The following GLT6D1 variants were observed in gnomAD, a reference collection of about 807,000 sequenced individuals.
GLT6D1 encodes the protein putative glycosyltransferase 6 domain-containing protein 1.
A neutral mutation model predicts 12.3 loss-of-function variants in GLT6D1; 9 were observed. That is an observed-to-expected ratio of 0.73 (90% confidence interval 0.44 to 1.27). The LOEUF is 1.27. Ranked by LOEUF, GLT6D1 falls within the 50% of genes most tolerant of loss-of-function variation. GLT6D1 has a pLI of 0.00. For synonymous variants in GLT6D1, 128 were observed against 132.3 expected (o/e 0.97, Z 0.23); for missense variants, 335 against 346.2 (o/e 0.97, Z 0.26).
At chr9:135,628,930 A>C (rs548654032) in intron 3 of GLT6D1, among the ~76,000 whole-genome samples, 2 of 152,006 alleles carry the variant, frequency 1.3e-5, no homozygotes, top group African/African-American at 4.8e-5. Context: ...TGATTCTAGT[A>C]ATTTCAGTTC....
At chr9:135,630,606 G>C (rs1833620872) in intron 3 of GLT6D1, among the ~76,000 whole-genome samples, 1 of 151,802 alleles carries the variant, frequency 6.6e-6, no homozygotes, top group African/African-American at 2.4e-5. Context: ...TGTAATCCCA[G>C]CTACACGGGA....
At chr9:135,627,888 G>A (rs1404421961) in intron 3 of GLT6D1, among the ~76,000 whole-genome samples, 4 of 152,074 alleles carry the variant, frequency 2.6e-5, no homozygotes, top group African/African-American at 9.7e-5. Flanking sequence ...ATCATAGAGA[G>A]TGAAGTGCTA....
At chr9:135,636,543 C>A (rs927270283) in intron 2 of GLT6D1, among the ~76,000 whole-genome samples, 1 of 152,286 alleles carries the variant, frequency 6.6e-6, no homozygotes, top group African/African-American at 2.4e-5. Flanking sequence ...ATGTTAATTT[C>A]ACTCTTCGTG....
At chr9:135,636,848 T>TC (rs1261270151) in intron 2 of GLT6D1, among the ~76,000 whole-genome samples, 1 of 152,136 alleles carries the variant, frequency 6.6e-6, no homozygotes, top group Non-Finnish European at 1.5e-5. Flanking sequence ...ATAGCTGATT[T>TC]CTTTTTTTTC....
chr9:135,632,748 A>G (rs1009148572), intron 2 of GLT6D1, among the ~76,000 whole-genome samples: 39 of 150,852 alleles, frequency 2.6e-4, no homozygotes, highest in African/African-American at 8.0e-4. Flanking sequence ...GCTCACCGCA[A>G]CCTCCACCTC....
chr9:135,633,077 C>A lies in GLT6D1; in HGVS notation c.72-1599G>T, dbSNP rs1437885654. Among the ~76,000 whole-genome samples, 6 of 152,296 alleles carry A rather than the reference C, an allele frequency of 3.9e-5. No homozygotes were observed. The South Asian group carries it at 1.2e-3, about 32-fold the overall frequency. On this transcript the variant is annotated intron_variant, in intron 2 of 4. Coordinates refer to ENST00000371763, the MANE Select transcript of GLT6D1 (RefSeq NM_182974.3). The stretch of plus-strand genomic sequence containing the variant: ...TGCATTACATACAAATCAGCCTACA[C>A]ATACGCAGACAGTGGTGTCTTCAGG...
Position 135,623,963 on chromosome 9 carries a change from C to A in GLT6D1, c.*134G>T. On this transcript the variant is annotated 3_prime_UTR_variant, in exon 5 of 5. Coordinates refer to ENST00000371763, the MANE Select transcript of GLT6D1 (RefSeq NM_182974.3). The stretch of plus-strand genomic sequence containing the variant: ...ACTTCCCTCATTTATAAGAAATTGC[C>A]GTGATTCATTTATTCGTCATAAACC... 1.6e-6 allele frequency: 1 copy of A among 612,210 alleles called. No homozygotes were observed. The highest frequency in any genetic ancestry group is 2.9e-5 in the East Asian group (1 of 33,920). The allele number at this position is 612,210 out of a possible 1,614,324, so 37.9% of individuals were successfully genotyped here. A position where few individuals can be genotyped will look rare whatever the true frequency, so the allele number is the denominator to read the frequency against.
rs759394542 is a variant in GLT6D1, at chr9:135,624,354, C to T, written c.574G>A (p.Ala192Thr). 6 of 1,613,826 alleles carry T rather than the reference C, an allele frequency of 3.7e-6. No homozygotes were observed. The highest frequency in any genetic ancestry group is 4.5e-5 in the East Asian group (2 of 44,874). Residue 192 changes from alanine (A) to threonine (T), a missense_variant, in exon 5 of 5, where the codon GCC becomes ACC. By Grantham distance (58) the Ala-to-Thr change is moderately conservative. Coordinates refer to ENST00000371763, the MANE Select transcript of GLT6D1 (RefSeq NM_182974.3). ...AAATACCACCAGGCGTGGAGCTGGG[C>T]CACCAACGGGCCCAGGGTCTCCACC... is the stretch of plus-strand genomic sequence containing the variant. ...FGVETLGPLV[A>T]QLHAWWYFRN...
rs755796763 is a variant in GLT6D1 at position 135,624,209 on chromosome 9, A to G, written c.719T>C (p.Leu240Ser). ...LMVGGTPHNI[L>S]DFIKEYLNGV... is the part of the protein sequence containing the mutation. ...GTTCAGATATTCTTTGATGAAGTCT[A>G]AAATATTATGGGGTGTGCCACCAAC... Residue 240 changes from leucine to serine, a missense_variant, in exon 5 of 5, where the codon TTA becomes TCA. Transcript: ENST00000371763. 2.5e-6 allele frequency: 4 copies of G among 1,611,710 alleles called. No homozygotes were observed. The highest frequency in any genetic ancestry group is 3.4e-5 in the Admixed American group (2 of 59,542).
chr9:135,635,760 C>T (rs979033784), intron 2 of GLT6D1, among the ~76,000 whole-genome samples: 1 of 152,140 alleles, frequency 6.6e-6, no homozygotes, highest in African/African-American at 2.4e-5. Flanking sequence ...TATCTTTAAA[C>T]ACGTTGACAC....
upstream of GLT6D1, among the ~76,000 whole-genome samples, chr9:135,639,722 C>T (rs1017305568): frequency 2.6e-5 from 4 of 152,182 alleles, no homozygotes; most frequent in Non-Finnish European, 4.4e-5. Flanking sequence ...TCTGGACTCT[C>T]ACCAGTGCCT....
At chr9:135,630,893 T>G (rs1833628792) in intron 3 of GLT6D1, among the ~76,000 whole-genome samples, 1 of 152,022 alleles carries the variant, frequency 6.6e-6, no homozygotes, top group Admixed American at 6.5e-5. Context: ...ATTTAAAATT[T>G]ACATCAAAAA....
At position 135,623,861 on chromosome 9, in the gene GLT6D1, G is replaced by A; in HGVS notation, c.*236C>T. On this transcript the variant is annotated 3_prime_UTR_variant, in exon 5 of 5. Coordinates refer to ENST00000371763, the MANE Select transcript of GLT6D1 (RefSeq NM_182974.3). ...TATCCTACATTAGCCAAATAAGATG[G>A]CTCAAAATGGCAAGAAGAAACATTT... 2.2e-6 allele frequency: 1 copy of A among 454,162 alleles called. No homozygotes were observed. The highest frequency in any genetic ancestry group is 3.9e-5 in the East Asian group (1 of 25,398). 28.1% of individuals were successfully genotyped at this position (454,162 alleles called of 1,614,324 possible). A position where few individuals can be genotyped will look rare whatever the true frequency, so the allele number is the denominator to read the frequency against.
chr9:135,633,283 T>C (rs1198496617), intron 2 of GLT6D1, among the ~76,000 whole-genome samples: 1 of 152,140 alleles, frequency 6.6e-6, no homozygotes, highest in African/African-American at 2.4e-5. Context: ...GCAGTCTTGC[T>C]CTGTCTCCCA....
intron 2 of GLT6D1, among the ~76,000 whole-genome samples, chr9:135,638,244 A>G (rs1463782691): frequency 6.6e-6 from 1 of 152,184 alleles, no homozygotes; most frequent in South Asian, 2.1e-4. Context: ...GGGAAAGACC[A>G]GCCCCCATGA....
At position 135,630,590 on chromosome 9, in the gene GLT6D1, G is replaced by A. The variant is rs907459064; in HGVS notation, c.119+841C>T. On this transcript the variant is annotated intron_variant, in intron 3 of 4. Transcript: ENST00000371763. ...CAAAAATTAGCCAGGTGTGCTGGCA[G>A]GCACCTGTAATCCCAGCTACACGGG... Among the ~76,000 whole-genome samples, 72 of 151,792 alleles carry A rather than the reference G, an allele frequency of 4.7e-4. 1 individual carries two copies. Among genetic ancestry groups the A allele is most frequent in the Non-Finnish European group, 5.7e-4 (39 of 67,958 alleles).
Position 135,624,635 on chromosome 9 carries a change from G to A in GLT6D1, c.293C>T (p.Ser98Phe). The A allele has an allele frequency of 6.2e-7, 1 of 1,607,672 alleles. No individual in the cohort carries two copies. The highest frequency in any genetic ancestry group is 8.5e-7 in the Non-Finnish European group (1 of 1,176,590). ...GCCTGTCATGAAGTGCTTATTTGCG[G>A]AGTGTAGGAACGGCCTCAGGTACTC... ...AEEYLRPFLH[S>F]ANKHFMTGYR... Residue 98 changes from serine (S) to phenylalanine (F), a missense_variant, in exon 5 of 5, where the codon TCC (serine) becomes TTC (phenylalanine). Transcript: ENST00000371763.
intron 2 of GLT6D1, among the ~76,000 whole-genome samples, chr9:135,637,461 T>A (rs1833801481): frequency 6.6e-6 from 1 of 152,044 alleles, no homozygotes. Context: ...TCTAAGGAAC[T>A]GCTACACTGT....
At chr9:135,628,819 C>T (rs1336551445) in intron 3 of GLT6D1, among the ~76,000 whole-genome samples, 2 of 151,956 alleles carry the variant, frequency 1.3e-5, no homozygotes, top group Non-Finnish European at 2.9e-5. Context: ...TTCTTCATTT[C>T]ATATAGGTTA....
Sources: allele counts gnomAD v4.1 joint callset (sites outside exome capture counted in the v4.1 genomes callset), GRCh38; gene constraint gnomAD v4.1.1; transcripts MANE v1.5; gene names NCBI Gene and HGNC (gene_info 2026-07-23, HGNC 2026-07-21).